CCDC71L: variants seen among roughly 807,000 people sequenced by gnomAD.
CCDC71L encodes the protein coiled-coil domain-containing protein 71L.
In CCDC71L, 6 loss-of-function variants were observed where a neutral mutation model predicts 10.2. The ratio of observed to expected loss-of-function variants is 0.59; its 90% CI spans 0.32 to 1.16. CCDC71L has a LOEUF of 1.16. Among genes scored for constraint, CCDC71L ranks in the 50% most tolerant of loss-of-function variants. CCDC71L has a pLI of 0.05. For missense variants in CCDC71L, 366 were observed against 383.4 expected (o/e 0.95, Z 0.38); for synonymous variants, 204 against 175.5 (o/e 1.16, Z -1.28).
rs1313201951 is a variant in CCDC71L at position 106,656,679 on chromosome 7, A to T, written c.*3510T>A. ...TTCACAAAAAAGTCAAAATTTATCA[A>T]ATTGTAAATTAAGATGTTTTCTGAG... On this transcript the variant is annotated 3_prime_UTR_variant, in exon 1 of 1. Coordinates refer to ENST00000523505, the MANE Select transcript of CCDC71L (RefSeq NM_175884.6). 3 of 152,190 alleles carry T rather than the reference A, an allele frequency of 2.0e-5. No homozygotes were observed. The highest frequency in any genetic ancestry group is 4.4e-5 in the Non-Finnish European group (3 of 68,022). The allele number at this position is 152,190 out of a possible 1,614,324, so 9.4% of individuals were successfully genotyped here. A position where few individuals can be genotyped will look rare whatever the true frequency, so the allele number is the denominator to read the frequency against.
chr7:106,660,351 C>A lies in CCDC71L; in HGVS notation c.546G>T (p.Arg182Ser). Residue 182 changes from arginine (R) to serine (S), a missense_variant, in exon 1 of 1, where the codon AGG becomes AGT. Transcript: ENST00000523505. This position sits in a 1 kb window ranked among gnomAD's most constrained non-coding sequence, Gnocchi z 7.5. ...AGGTGGTCAGCGTCGGGGTGGCCGC[C>A]CTCCAGATCTCCTCCAAGGTGCGGC... ...FGGRTLEEIW[R>S]AATPTLTTFP... is the part of the protein sequence containing the mutation. 1 of 1,452,256 alleles carries A rather than the reference C, an allele frequency of 6.9e-7. No individual in the cohort carries two copies. Among genetic ancestry groups the A allele is most frequent in the South Asian group, 1.3e-5 (1 of 74,134 alleles). The allele number at this position is 1,452,256 out of a possible 1,614,324, so 90.0% of individuals were successfully genotyped here.
rs184497389 is a variant in CCDC71L, at chr7:106,659,791, C to T, written c.*398G>A. The T allele has an allele frequency of 1.1e-4, 20 of 174,102 alleles. No individual in the cohort carries two copies. The East Asian group carries it at 3.0e-3, about 26-fold the overall frequency. 10.8% of individuals were successfully genotyped at this position (174,102 alleles called of 1,614,324 possible). On this transcript the variant is annotated 3_prime_UTR_variant, in exon 1 of 1. Transcript: ENST00000523505. ...AAATTCTGGCTTTATTACACAAGCACGAAACCAAATTCCTTTGGAAAAATA... is the reference window on the plus strand; with the variant it reads ...AAATTCTGGCTTTATTACACAAGCATGAAACCAAATTCCTTTGGAAAAATA...
chr7:106,654,819 A>G lies in CCDC71L; in HGVS notation c.*5370T>C, dbSNP rs1792464752. ...TTATACATTTGTTTTTGCTTCAATAATTTTTTTACTCTGTAAGATTTAGAA... is the reference window on the plus strand; with the variant it reads ...TTATACATTTGTTTTTGCTTCAATAGTTTTTTTACTCTGTAAGATTTAGAA... On this transcript the variant is annotated 3_prime_UTR_variant, in exon 1 of 1. Coordinates refer to ENST00000523505, the MANE Select transcript of CCDC71L (RefSeq NM_175884.6). Among the ~76,000 whole-genome samples the G allele has an allele frequency of 6.6e-6, 1 of 151,632 alleles. No homozygotes were observed. The highest frequency in any genetic ancestry group is 1.9e-4 in the East Asian group (1 of 5,156).
At position 106,660,379 on chromosome 7, in the gene CCDC71L, C is replaced by G. The variant is rs1318106537; in HGVS notation, c.518G>C (p.Gly173Ala). The G allele has an allele frequency of 1.5e-6, 2 of 1,360,016 alleles. No individual in the cohort carries two copies. The highest frequency in any genetic ancestry group is 3.4e-5 in the South Asian group (2 of 59,300). The allele number at this position is 1,360,016 out of a possible 1,614,324, so 84.2% of individuals were successfully genotyped here. A position where few individuals can be genotyped will look rare whatever the true frequency, so the allele number is the denominator to read the frequency against. Reference sequence around the variant, plus strand: ...CCAGATCTCCTCCAAGGTGCGGCCCCCGAAGCAGGGCCCGGGGGCCACGGG... The same window carrying G: ...CCAGATCTCCTCCAAGGTGCGGCCCGCGAAGCAGGGCCCGGGGGCCACGGG... ...AKPVAPGPCF[G>A]GRTLEEIWRA... Residue 173 changes from glycine (G) to alanine (A), a missense_variant, in exon 1 of 1, where the codon GGG (glycine) becomes GCG (alanine). Gly to Ala is a moderately conservative substitution (Grantham distance 60, BLOSUM62 0). Transcript: ENST00000523505. The surrounding 1 kb of genome is among the most constrained non-coding windows in gnomAD (Gnocchi z 7.5).
chr7:106,655,969 A>G lies in CCDC71L; in HGVS notation c.*4220T>C, dbSNP rs1792484204. Among the ~76,000 whole-genome samples the G allele has an allele frequency of 6.6e-6, 1 of 152,178 alleles. No homozygotes were observed. ...ATACCTATTCTCACTGTGCATACCTATAATTAAGAGCATTTATTTAGTACT... is the reference window on the plus strand; with the variant it reads ...ATACCTATTCTCACTGTGCATACCTGTAATTAAGAGCATTTATTTAGTACT... On this transcript the variant is annotated 3_prime_UTR_variant, in exon 1 of 1. Transcript: ENST00000523505.
In CCDC71L at chr7:106,657,437, A is replaced by G. The variant is rs1792509295; in HGVS notation, c.*2752T>C. The stretch of plus-strand genomic sequence containing the variant: ...CCCTCTACTTGTGCCATATGAGATA[A>G]AAGAGAAGGCAAGAGAATGAACGAA... On this transcript the variant is annotated 3_prime_UTR_variant, in exon 1 of 1. Transcript: ENST00000523505. 2 of 152,156 alleles carry G rather than the reference A, an allele frequency of 1.3e-5. No individual in the cohort carries two copies. The highest frequency in any genetic ancestry group is 4.8e-5 in the African/African-American group (2 of 41,420). The allele number at this position is 152,156 out of a possible 1,614,324, so 9.4% of individuals were successfully genotyped here.
rs1024040430 is a variant in CCDC71L at position 106,658,009 on chromosome 7, C to T, written c.*2180G>A. 1 of 152,184 alleles carries T rather than the reference C, an allele frequency of 6.6e-6. No individual in the cohort carries two copies. Among genetic ancestry groups the T allele is most frequent in the African/African-American group, 2.4e-5 (1 of 41,516 alleles). The allele number at this position is 152,184 out of a possible 1,614,324, so 9.4% of individuals were successfully genotyped here. On this transcript the variant is annotated 3_prime_UTR_variant, in exon 1 of 1. Transcript: ENST00000523505. ...AAAACTATCTAGATAAGCTGTATGT[C>T]GAAATTGCATTCTAATATGGCCATT...
Position 106,660,490 on chromosome 7 carries a change from C to T in CCDC71L, c.407G>A (p.Gly136Glu). 7.3e-6 allele frequency: 9 copies of T among 1,230,794 alleles called. No homozygotes were observed. The highest frequency in any genetic ancestry group is 3.9e-5 in the South Asian group (1 of 25,484). The allele number at this position is 1,230,794 out of a possible 1,614,324, so 76.2% of individuals were successfully genotyped here. ...CCTGCGGGCAGCGGCCGCCCGGGCTCCGCGGCGCCTCCTCCTGGCCGCTGC... is the reference window on the plus strand; with the variant it reads ...CCTGCGGGCAGCGGCCGCCCGGGCTTCGCGGCGCCTCCTCCTGGCCGCTGC... The part of the protein sequence containing the change: ...PRAAARRRRR[G>E]ARAAAARRRK... The change falls in exon 1 of 1, where the codon GGA becomes GAA. Residue 136 changes from glycine to glutamate, a missense_variant. Coordinates refer to ENST00000523505, the MANE Select transcript of CCDC71L (RefSeq NM_175884.6). This position sits in a 1 kb window ranked among gnomAD's most constrained non-coding sequence, Gnocchi z 7.5.
chr7:106,660,562 G>A lies in CCDC71L; in HGVS notation c.335C>T (p.Pro112Leu), dbSNP rs771558461. 5.9e-6 allele frequency: 9 copies of A among 1,528,156 alleles called. No homozygotes were observed. The highest frequency in any genetic ancestry group is 2.8e-5 in the African/African-American group (2 of 70,474). The allele number at this position is 1,528,156 out of a possible 1,614,324, so 94.7% of individuals were successfully genotyped here. Residue 112 changes from proline to leucine, a missense_variant, in exon 1 of 1, where the codon CCG (proline) becomes CTG (leucine). Physicochemically the swap from Pro to Leu is moderately conservative, Grantham distance 98. Transcript: ENST00000523505. This position sits in a 1 kb window ranked among gnomAD's most constrained non-coding sequence, Gnocchi z 7.5. ...SSCRALVPDP[P>L]GPPTARGQAR... ...CTGGCCGCGGGCTGTAGGGGGCCCC[G>A]GGGGGTCGGGTACCAGGGCCCGGCA...
In CCDC71L at chr7:106,660,140, G is replaced by A; in HGVS notation, c.*49C>T. On this transcript the variant is annotated 3_prime_UTR_variant, in exon 1 of 1. Transcript: ENST00000523505. The surrounding 1 kb of genome is among the most constrained non-coding windows in gnomAD (Gnocchi z 7.5). ...CACTTGTTCATTCCTCCGGGCGGAA[G>A]GCCTGTCCCAAGGTCGGGGCCGGCA... 1 of 1,461,980 alleles carries A rather than the reference G, an allele frequency of 6.8e-7. No individual in the cohort carries two copies. Among genetic ancestry groups the A allele is most frequent in the Non-Finnish European group, 9.0e-7 (1 of 1,117,174 alleles). The allele number at this position is 1,461,980 out of a possible 1,614,324, so 90.6% of individuals were successfully genotyped here. A position where few individuals can be genotyped will look rare whatever the true frequency, so the allele number is the denominator to read the frequency against.
rs1792561253 is a variant in CCDC71L, at chr7:106,660,068, T to C, written c.*121A>G. On this transcript the variant is annotated 3_prime_UTR_variant, in exon 1 of 1. Coordinates refer to ENST00000523505, the MANE Select transcript of CCDC71L (RefSeq NM_175884.6). This position sits in a 1 kb window ranked among gnomAD's most constrained non-coding sequence, Gnocchi z 7.5. ...TCCGGCAACTTCTTCGCGCGTAAAG[T>C]GCATTGGGGGCCGGGGTCCTGGCCG... The C allele has an allele frequency of 1.6e-6, 2 of 1,279,902 alleles. No homozygotes were observed. Among genetic ancestry groups the C allele is most frequent in the Non-Finnish European group, 1.0e-6 (1 of 986,846 alleles). The allele number at this position is 1,279,902 out of a possible 1,614,324, so 79.3% of individuals were successfully genotyped here. A position where few individuals can be genotyped will look rare whatever the true frequency, so the allele number is the denominator to read the frequency against.
chr7:106,659,545 G>A lies in CCDC71L; in HGVS notation c.*644C>T, dbSNP rs923016562. 5.9e-5 allele frequency: 9 copies of A among 152,530 alleles called. No homozygotes were observed. The highest frequency in any genetic ancestry group is 5.9e-4 in the Admixed American group (9 of 15,258). The allele number at this position is 152,530 out of a possible 1,614,324, so 9.4% of individuals were successfully genotyped here. On this transcript the variant is annotated 3_prime_UTR_variant, in exon 1 of 1. Coordinates refer to ENST00000523505, the MANE Select transcript of CCDC71L (RefSeq NM_175884.6). ...AGTTGTATTTTGCATGTCTTTGTTT[G>A]TAATCACTGAGCCCATACAAATCCT...
rs561920428 is a variant in CCDC71L at position 106,657,334 on chromosome 7, C to A, written c.*2855G>T. On this transcript the variant is annotated 3_prime_UTR_variant, in exon 1 of 1. Coordinates refer to ENST00000523505, the MANE Select transcript of CCDC71L (RefSeq NM_175884.6). The stretch of plus-strand genomic sequence containing the variant: ...AATCTCAAAAAGTTATGTGAGGTGC[C>A]GGTCACCACATTTAGGCACTCAGGA... 1 of 152,064 alleles carries A rather than the reference C, an allele frequency of 6.6e-6. No homozygotes were observed. Among genetic ancestry groups the A allele is most frequent in the Non-Finnish European group, 1.5e-5 (1 of 68,010 alleles). 9.4% of individuals were successfully genotyped at this position (152,064 alleles called of 1,614,324 possible).
rs997257379 is a variant in CCDC71L, at chr7:106,658,466, T to A, written c.*1723A>T. On this transcript the variant is annotated 3_prime_UTR_variant, in exon 1 of 1. Transcript: ENST00000523505. ...TTGAAATACTCATTTCAGAAAGCTATGCCATTTGAATTCTAGGAACGCAAG... is the reference window on the plus strand; with the variant it reads ...TTGAAATACTCATTTCAGAAAGCTAAGCCATTTGAATTCTAGGAACGCAAG... 1 of 152,222 alleles carries A rather than the reference T, an allele frequency of 6.6e-6. No individual in the cohort carries two copies. Among genetic ancestry groups the A allele is most frequent in the Non-Finnish European group, 1.5e-5 (1 of 68,044 alleles). The allele number at this position is 152,222 out of a possible 1,614,324, so 9.4% of individuals were successfully genotyped here.
In CCDC71L at chr7:106,660,262, C is replaced by T. The variant is rs764570917; in HGVS notation, c.635G>A (p.Arg212Lys). ...GERSLAAARR[R>K]ARQVLRVNLE... ...GTTCACTCGCAGGACCTGGCGCGCC[C>T]TGCGCCGCGCTGCCGCCAGGCTGCG... is the stretch of plus-strand genomic sequence containing the variant. The change falls in exon 1 of 1, where the codon AGG (arginine) becomes AAG (lysine). Residue 212 changes from arginine to lysine, a missense_variant. Transcript: ENST00000523505. This position sits in a 1 kb window ranked among gnomAD's most constrained non-coding sequence, Gnocchi z 7.5. 1.0e-4 allele frequency: 163 copies of T among 1,570,896 alleles called. No individual in the cohort carries two copies. The highest frequency in any genetic ancestry group is 1.3e-4 in the Non-Finnish European group (156 of 1,168,666).
At position 106,660,530 on chromosome 7, in the gene CCDC71L, G is replaced by C; in HGVS notation, c.367C>G (p.Arg123Gly). 2 of 1,455,580 alleles carry C rather than the reference G, an allele frequency of 1.4e-6. No homozygotes were observed. The highest frequency in any genetic ancestry group is 1.8e-6 in the Non-Finnish European group (2 of 1,099,662). The allele number at this position is 1,455,580 out of a possible 1,614,324, so 90.2% of individuals were successfully genotyped here. ...CTGGCCGCTGCGCGCGGAACCGGCC[G>C]GCGCGCCTGGCCGCGGGCTGTAGGG... ...GPPTARGQAR[R>G]PVPRAAARRR... The change falls in exon 1 of 1, where the codon CGG becomes GGG. Residue 123 changes from arginine to glycine, a missense_variant. Transcript: ENST00000523505. This position sits in a 1 kb window ranked among gnomAD's most constrained non-coding sequence, Gnocchi z 7.5.
At position 106,657,624 on chromosome 7, in the gene CCDC71L, A is replaced by G. The variant is rs1373108120; in HGVS notation, c.*2565T>C. On this transcript the variant is annotated 3_prime_UTR_variant, in exon 1 of 1. Transcript: ENST00000523505. ...ACTTTCACTTTCCTATTAGTATACCAGTCAACTATATTAGATGTTGCTTCA... is the reference window on the plus strand; with the variant it reads ...ACTTTCACTTTCCTATTAGTATACCGGTCAACTATATTAGATGTTGCTTCA... 2.6e-5 allele frequency: 4 copies of G among 152,248 alleles called. No individual in the cohort carries two copies. Among genetic ancestry groups the G allele is most frequent in the Admixed American group, 6.5e-5 (1 of 15,286 alleles). 9.4% of individuals were successfully genotyped at this position (152,248 alleles called of 1,614,324 possible). A position where few individuals can be genotyped will look rare whatever the true frequency, so the allele number is the denominator to read the frequency against.
rs950710456 is a variant in CCDC71L, at chr7:106,659,037, C to T, written c.*1152G>A. 6.6e-6 allele frequency: 1 copy of T among 152,128 alleles called. No homozygotes were observed. The highest frequency in any genetic ancestry group is 2.4e-5 in the African/African-American group (1 of 41,410). The allele number at this position is 152,128 out of a possible 1,614,324, so 9.4% of individuals were successfully genotyped here. A position where few individuals can be genotyped will look rare whatever the true frequency, so the allele number is the denominator to read the frequency against. On this transcript the variant is annotated 3_prime_UTR_variant, in exon 1 of 1. Transcript: ENST00000523505. Reference sequence around the variant, plus strand: ...TAGATTTCGCCCAAAGTAACCTTAACCAGTTATTTGATACCAAGAAATGCC... The same window carrying T: ...TAGATTTCGCCCAAAGTAACCTTAATCAGTTATTTGATACCAAGAAATGCC...
Position 106,659,468 on chromosome 7 carries a change from T to C in CCDC71L, c.*721A>G, listed in dbSNP as rs73184257. The C allele has an allele frequency of 2.0e-5, 3 of 152,658 alleles. No homozygotes were observed. The highest frequency in any genetic ancestry group is 2.9e-5 in the Non-Finnish European group (2 of 68,036). The allele number at this position is 152,658 out of a possible 1,614,324, so 9.5% of individuals were successfully genotyped here. On this transcript the variant is annotated 3_prime_UTR_variant, in exon 1 of 1. Coordinates refer to ENST00000523505, the MANE Select transcript of CCDC71L (RefSeq NM_175884.6). ...ACCATTTTTAGGAGCTCAGTAAATA[T>C]AAACATTGTTTCAATACAAAACCTT... is the stretch of plus-strand genomic sequence containing the variant.
Sources: gnomAD v4.1 joint callset for allele counts (sites outside exome capture counted in the v4.1 genomes callset) on GRCh38, gnomAD v4.1.1 for gene constraint, Gnocchi (gnomAD v3.1) non-coding constraint, MANE v1.5 for transcripts, NCBI Gene and HGNC (gene_info 2026-07-23, HGNC 2026-07-21) for gene names.